The following NFIX variants were observed in gnomAD, a reference collection of about 807,000 sequenced individuals.
NFIX encodes nuclear factor 1 X-type.
NFIX carries 2 observed loss-of-function variants against 53.3 expected under a neutral mutation model. The ratio of observed to expected loss-of-function variants is 0.04; its 90% CI spans 0.02 to 0.12. The LOEUF is 0.12. NFIX is among the 10% of genes least tolerant of loss of function. The pLI is 1.00. For synonymous variants in NFIX, 244 were observed against 289.0 expected, an observed-to-expected ratio of 0.84 and a Z score of 1.58; for missense variants, 310 against 674.5, an observed-to-expected ratio of 0.46 and a Z score of 5.99.
In NFIX at chr19:13,040,662, C is replaced by T. The variant is rs1233813957; in HGVS notation, c.559+15110C>T. Among the ~76,000 whole-genome samples, 1 of 152,170 alleles carries T rather than the reference C, an allele frequency of 6.6e-6. No individual in the cohort carries two copies. Among genetic ancestry groups the T allele is most frequent in the Non-Finnish European group, 1.5e-5 (1 of 68,034 alleles). On this transcript the variant is annotated intron_variant, in intron 2 of 10. Transcript: ENST00000592199. This position sits in a 1 kb window ranked among gnomAD's most constrained non-coding sequence, Gnocchi z 4.2. The stretch of plus-strand genomic sequence containing the variant: ...TCTCGGGTCAGAGATGACTGCCGTC[C>T]TCCAGCTGGTACATGTGCTTGCGGC...
chr19:13,056,003 T>C (rs974816249), intron 2 of NFIX, among the ~76,000 whole-genome samples: 2 of 152,146 alleles, frequency 1.3e-5, no homozygotes, highest in Admixed American at 6.5e-5. Flanking sequence ...TGGGGAGGCC[T>C]GTGGGGTGCG....
In NFIX at chr19:13,013,302, G is replaced by A. The variant is rs1204172164; in HGVS notation, c.28-11719G>A. On this transcript the variant is annotated intron_variant, in intron 1 of 10. Transcript: ENST00000592199. The surrounding 1 kb of genome is among the most constrained non-coding windows in gnomAD (Gnocchi z 5.9). The stretch of plus-strand genomic sequence containing the variant: ...GTTGGTGGAGGAGGAAGCTGGCGTC[G>A]GGCTGAAGTCCCCCGAGCCACCCCT... Among the ~76,000 whole-genome samples the A allele has an allele frequency of 6.6e-6, 1 of 152,126 alleles. No homozygotes were observed. Among genetic ancestry groups the A allele is most frequent in the Non-Finnish European group, 1.5e-5 (1 of 68,008 alleles).
intron 1 of NFIX, among the ~76,000 whole-genome samples, chr19:13,008,235 GC>G (rs762707450): frequency 6.6e-6 from 1 of 152,140 alleles, no homozygotes; most frequent in Non-Finnish European, 1.5e-5. Flanking sequence ...CTGGGATGAG[GC>G]CCCCAGCCTC....
chr19:13,064,104 T>C (rs2016256861), intron 2 of NFIX, among the ~76,000 whole-genome samples: 1 of 152,128 alleles, frequency 6.6e-6, no homozygotes, highest in African/African-American at 2.4e-5. Context: ...CCCTCTCTTT[T>C]CTTGACATGT....
At chr19:13,059,791 T>C (rs1277111339) in intron 2 of NFIX, among the ~76,000 whole-genome samples, 3 of 135,554 alleles carry the variant, frequency 2.2e-5, no homozygotes, top group East Asian at 2.1e-4. Context: ...TTTTTTTTTT[T>C]TTTTTTTTTT....
At chr19:13,075,730 T>C in intron 6 of NFIX, 59 bp downstream of exon 6, 1 of 1,569,534 alleles carries the variant, frequency 6.4e-7, no homozygotes, top group Non-Finnish European at 8.7e-7. Flanking sequence ...TTTTGTCCCC[T>C]TCTCAGTTCA....
At position 13,088,274 on chromosome 19, in the gene NFIX, G is replaced by C; in HGVS notation, c.1402+138G>C. ...CCAGAGCACCATGGACAAGAGCAGA[G>C]CCGAGCCCCCCAACCACAGCCTCCC... On this transcript the variant is annotated intron_variant, in intron 9 of 10. Coordinates refer to ENST00000592199, the MANE Select transcript of NFIX (RefSeq NM_001365902.3). The surrounding 1 kb of genome is among the most constrained non-coding windows in gnomAD (Gnocchi z 5.9). 9.1e-7 allele frequency: 1 copy of C among 1,097,254 alleles called. No homozygotes were observed. The allele number at this position is 1,097,254 out of a possible 1,614,324, so 68.0% of individuals were successfully genotyped here.
intron 2 of NFIX, among the ~76,000 whole-genome samples, chr19:13,044,613 T>A (rs1054932228): frequency 6.6e-6 from 1 of 152,162 alleles, no homozygotes; most frequent in African/African-American, 2.4e-5. Context: ...AACTCCAACC[T>A]GGCCCCTGTG....
intron 2 of NFIX, among the ~76,000 whole-genome samples, chr19:13,033,813 A>C (rs2013987812): frequency 6.6e-6 from 1 of 152,140 alleles, no homozygotes; most frequent in African/African-American, 2.4e-5. Context: ...AGCAAACCAG[A>C]CCTGGGGACC....
At chr19:13,070,729 C>T (rs1412020822) in intron 2 of NFIX, 4 of 152,402 alleles carry the variant, frequency 2.6e-5, no homozygotes, top group Non-Finnish European at 4.4e-5. Flanking sequence ...GGGCTGCACT[C>T]GCACCGGATC....
rs1363714720 is a variant in NFIX at position 13,001,069 on chromosome 19, G to C, written c.27+5205G>C. On this transcript the variant is annotated intron_variant, in intron 1 of 10. Transcript: ENST00000592199. The surrounding 1 kb of genome is among the most constrained non-coding windows in gnomAD (Gnocchi z 6.5). ...CTTTCTCCAACACGGTGCTGAGAAT[G>C]GGCCTTCTGTCCCCTCCCTCCCAGC... 1.3e-5 allele frequency among the ~76,000 whole-genome samples: 2 copies of C among 152,140 alleles called. No individual in the cohort carries two copies. Among genetic ancestry groups the C allele is most frequent in the Non-Finnish European group, 2.9e-5 (2 of 68,024 alleles).
At chr19:13,084,906 C>A (rs1210054966) in intron 8 of NFIX, among the ~76,000 whole-genome samples, 1 of 151,934 alleles carries the variant, frequency 6.6e-6, no homozygotes, top group Non-Finnish European at 1.5e-5. Context: ...CCCGTCTCTA[C>A]TAAAAATACA....
intron 6 of NFIX, among the ~76,000 whole-genome samples, chr19:13,077,981 G>C (rs2017211507): frequency 6.6e-6 from 1 of 152,180 alleles, no homozygotes; most frequent in Non-Finnish European, 1.5e-5. Context: ...CTGGCTGGGG[G>C]AGTCTTCTCC....
At chr19:13,085,913 G>C (rs1448113005) in intron 8 of NFIX, among the ~76,000 whole-genome samples, 1 of 152,236 alleles carries the variant, frequency 6.6e-6, no homozygotes, top group Non-Finnish European at 1.5e-5. Flanking sequence ...CTGCCGACTT[G>C]TTGGGGAGCT....
At chr19:13,044,041 A>G (rs948102685) in intron 2 of NFIX, among the ~76,000 whole-genome samples, 4 of 152,168 alleles carry the variant, frequency 2.6e-5, no homozygotes, top group Admixed American at 2.0e-4. Context: ...TGGAAGCGTA[A>G]GTGTCTTCAG....
chr19:13,033,136 A>C (rs753784957), intron 2 of NFIX, among the ~76,000 whole-genome samples: 1 of 152,168 alleles, frequency 6.6e-6, no homozygotes, highest in African/African-American at 2.4e-5. Context: ...TCTTGGCACC[A>C]AGGGCACCGT....
chr19:13,055,133 C>T (rs1357111966), intron 2 of NFIX, among the ~76,000 whole-genome samples: 1 of 151,832 alleles, frequency 6.6e-6, no homozygotes, highest in Non-Finnish European at 1.5e-5. Context: ...GGAGACCTCC[C>T]GCCGGCTGTC....
In NFIX at chr19:12,995,977, C is replaced by T. The variant is rs189556314; in HGVS notation, c.27+113C>T. 0.032 allele frequency: 10,581 copies of T among 334,074 alleles called. 185 individuals are homozygous for T. Among genetic ancestry groups the T allele is most frequent in the Middle Eastern group, 0.07 (48 of 684 alleles). 20.7% of individuals were successfully genotyped at this position (334,074 alleles called of 1,614,324 possible). ...CCGGGAAGGGGGGGCCGAGAGCCCG[C>T]GGGCCGCCGAGGGGTGCAGGCTGTG... On this transcript the variant is annotated intron_variant, in intron 1 of 10. Transcript: ENST00000592199.
chr19:13,080,586 C>G (rs2017397538), intron 7 of NFIX, among the ~76,000 whole-genome samples: 1 of 152,076 alleles, frequency 6.6e-6, no homozygotes, highest in South Asian at 2.1e-4. Flanking sequence ...TGCTTGTAAT[C>G]CCTGTACTTT....
Sources: gnomAD v4.1 joint callset for allele counts (sites outside exome capture counted in the v4.1 genomes callset) on GRCh38, gnomAD v4.1.1 for gene constraint, Gnocchi (gnomAD v3.1) non-coding constraint, MANE v1.5 for transcripts, NCBI Gene and HGNC (gene_info 2026-07-23, HGNC 2026-07-21) for gene names.